The following GALNT13 variants were observed in gnomAD, a reference collection of about 807,000 sequenced individuals.
The protein encoded by GALNT13 is UDP-GalNAc:polypeptide N-acetylgalactosaminyltransferase 13.
A neutral mutation model predicts 64.2 loss-of-function variants in GALNT13; 28 were observed. The ratio of observed to expected loss-of-function variants is 0.44; its 90% confidence interval spans 0.32 to 0.60. GALNT13 has a LOEUF of 0.60. GALNT13 is among the 20% of genes least tolerant of loss of function. The pLI, the probability that GALNT13 is intolerant of heterozygous loss-of-function variation, is 0.05. For missense variants in GALNT13, 577 were observed against 669.8 expected (o/e 0.86, Z 1.53); for synonymous variants, 214 against 224.6 (o/e 0.95, Z 0.42).
the GALNT13 span, among the ~76,000 whole-genome samples, chr2:153,659,172 G>C: frequency 6.6e-6 from 1 of 151,982 alleles, no homozygotes. Context: ...ATCAATTATA[G>C]GATGAATTAC....
At chr2:154,225,281 T>G (rs534339394) in intron 4 of GALNT13, among the ~76,000 whole-genome samples, 1 of 152,098 alleles carries the variant, frequency 6.6e-6, no homozygotes, top group South Asian at 2.1e-4. Context: ...AAATGCAAGT[T>G]AAAACTGTAC....
At chr2:153,692,036 A>G in the GALNT13 span, among the ~76,000 whole-genome samples, 1 of 152,208 alleles carries the variant, frequency 6.6e-6, no homozygotes, top group African/African-American at 2.4e-5. Flanking sequence ...ATGGAATACT[A>G]TGCCACATGT....
the GALNT13 span, among the ~76,000 whole-genome samples, chr2:153,219,367 A>G: frequency 2.6e-5 from 4 of 152,240 alleles, no homozygotes; most frequent in Non-Finnish European, 4.4e-5. Context: ...TGAAGTCTAG[A>G]CTATTTTTCT....
At chr2:153,826,131 G>A in the GALNT13 span, among the ~76,000 whole-genome samples, 1 of 152,096 alleles carries the variant, frequency 6.6e-6, no homozygotes, top group Admixed American at 6.5e-5. Flanking sequence ...GGAGGACCCA[G>A]GTCAAGGGCT....
chr2:153,302,874 G>A, the GALNT13 span, among the ~76,000 whole-genome samples: 1 of 152,022 alleles, frequency 6.6e-6, no homozygotes, highest in Middle Eastern at 3.4e-3. Context: ...TTTATTTCTG[G>A]GCTCTCTATT....
chr2:153,080,478 GTTAACATTT>G, the GALNT13 span, among the ~76,000 whole-genome samples: 1 of 151,958 alleles, frequency 6.6e-6, no homozygotes, highest in Non-Finnish European at 1.5e-5. Flanking sequence ...CTCTTTTTGT[GTTAACATTT>G]TGGTCACAGA....
chr2:154,316,810 A>C (rs1241477953), intron 9 of GALNT13, among the ~76,000 whole-genome samples: 2 of 152,274 alleles, frequency 1.3e-5, no homozygotes, highest in Non-Finnish European at 2.9e-5. Flanking sequence ...TCAGCATATA[A>C]ATTTGTGGAT....
the GALNT13 span, among the ~76,000 whole-genome samples, chr2:153,629,415 T>C: frequency 6.6e-6 from 1 of 151,872 alleles, no homozygotes; most frequent in Non-Finnish European, 1.5e-5. Flanking sequence ...CCCTATTTAA[T>C]AAATGGTGCT....
the GALNT13 span, among the ~76,000 whole-genome samples, chr2:153,101,873 T>G: frequency 6.6e-6 from 1 of 152,254 alleles, no homozygotes; most frequent in Non-Finnish European, 1.5e-5. Flanking sequence ...CTATTCTTCC[T>G]TTCCATCTTC....
At chr2:154,340,324 A>G (rs1414690968) in intron 9 of GALNT13, among the ~76,000 whole-genome samples, 1 of 152,100 alleles carries the variant, frequency 6.6e-6, no homozygotes, top group East Asian at 1.9e-4. Context: ...CTTGAGCTCA[A>G]ATGATCATCC....
rs1701950135 is a variant in GALNT13, at chr2:154,453,463, T to C, written c.*2912T>C. 1 of 152,232 alleles carries C rather than the reference T, an allele frequency of 6.6e-6. No individual in the cohort carries two copies. Among genetic ancestry groups the C allele is most frequent in the Non-Finnish European group, 1.5e-5 (1 of 68,118 alleles). The allele number at this position is 152,232 out of a possible 1,614,324, so 9.4% of individuals were successfully genotyped here. On this transcript the variant is annotated 3_prime_UTR_variant, in exon 13 of 13. Transcript: ENST00000392825. ...GCTCCCAAGAAAGTTCCTGCTTTAGTGTTTTGTTCCCTCTGCCCCAGAGAG... is the reference window on the plus strand; with the variant it reads ...GCTCCCAAGAAAGTTCCTGCTTTAGCGTTTTGTTCCCTCTGCCCCAGAGAG...
the GALNT13 span, among the ~76,000 whole-genome samples, chr2:153,401,487 C>T: frequency 6.7e-6 from 1 of 148,306 alleles, no homozygotes; most frequent in Non-Finnish European, 1.5e-5. Context: ...TCCTTGTTGA[C>T]TTTCTGTCTC....
At chr2:153,473,845 A>T in the GALNT13 span, among the ~76,000 whole-genome samples, 1 of 152,224 alleles carries the variant, frequency 6.6e-6, no homozygotes, top group Non-Finnish European at 1.5e-5. Flanking sequence ...GATGTTAAAG[A>T]GTCTTCAAAC....
the GALNT13 span, among the ~76,000 whole-genome samples, chr2:153,493,437 T>C: frequency 6.6e-6 from 1 of 152,078 alleles, no homozygotes; most frequent in Non-Finnish European, 1.5e-5. Flanking sequence ...TATTGACAAA[T>C]GTAACAAACA....
At chr2:153,252,605 G>A in the GALNT13 span, among the ~76,000 whole-genome samples, 1 of 152,128 alleles carries the variant, frequency 6.6e-6, no homozygotes, top group Non-Finnish European at 1.5e-5. Context: ...ACGGTTTTAG[G>A]TCTAACCTGT....
At chr2:153,917,236 T>A (rs1280552676) in intron 2 of GALNT13, among the ~76,000 whole-genome samples, 1 of 152,160 alleles carries the variant, frequency 6.6e-6, no homozygotes, top group East Asian at 1.9e-4. Context: ...TAAAATATCT[T>A]GAATATACCA....
the GALNT13 span, among the ~76,000 whole-genome samples, chr2:153,213,483 A>T: frequency 6.6e-6 from 1 of 152,230 alleles, no homozygotes; most frequent in Admixed American, 6.5e-5. Context: ...CATTGGGAAG[A>T]CAGTGGAAGG....
the GALNT13 span, among the ~76,000 whole-genome samples, chr2:153,654,725 A>C: frequency 6.6e-6 from 1 of 152,254 alleles, no homozygotes; most frequent in East Asian, 1.9e-4. Flanking sequence ...ATTATAAGTA[A>C]TCTAGAGATT....
the GALNT13 span, among the ~76,000 whole-genome samples, chr2:153,838,200 G>A: frequency 2.3e-4 from 35 of 151,872 alleles, 1 homozygote; most frequent in African/African-American, 7.5e-4. Flanking sequence ...TCTATAGGTG[G>A]CCTTTTCATT....
Sources: allele counts gnomAD v4.1 joint callset (sites outside exome capture counted in the v4.1 genomes callset), GRCh38; gene constraint gnomAD v4.1.1; transcripts MANE v1.5; gene names NCBI Gene and HGNC (gene_info 2026-07-23, HGNC 2026-07-21).